The following PDE7B variants were observed in gnomAD, a reference collection of about 807,000 sequenced individuals.
PDE7B encodes the protein phosphodiesterase 7B.
PDE7B carries 29 observed loss-of-function variants against 56.2 expected under a neutral mutation model. The observed-to-expected ratio is 0.52, with a 90% CI of 0.38 to 0.70. The LOEUF (loss-of-function observed/expected upper bound fraction) is 0.70, where lower values mean the gene tolerates loss of function less well. Among genes scored for constraint, PDE7B ranks in the 30% least tolerant of loss-of-function variants. The pLI is 0.00. For synonymous variants in PDE7B, 197 were observed against 196.9 expected (o/e 1.00, Z 0.00); for missense variants, 490 against 565.0 (o/e 0.87, Z 1.35).
chr6:136,004,738 T>C (rs1775745216), intron 2 of PDE7B, among the ~76,000 whole-genome samples: 1 of 152,224 alleles, frequency 6.6e-6, no homozygotes, highest in Admixed American at 6.5e-5. Context: ...TCCATGTTCA[T>C]GGGTAGGAAG....
chr6:135,968,361 G>A (rs1775034858), intron 2 of PDE7B, among the ~76,000 whole-genome samples: 2 of 152,060 alleles, frequency 1.3e-5, no homozygotes, highest in Non-Finnish European at 2.9e-5. Context: ...TCATCAGAGT[G>A]AACAGGCAAC....
chr6:135,950,810 T>C (rs1027860934), intron 2 of PDE7B, among the ~76,000 whole-genome samples: 2 of 152,206 alleles, frequency 1.3e-5, no homozygotes, highest in Non-Finnish European at 2.9e-5. Flanking sequence ...TTATGCTTTG[T>C]GTTGTCTACC....
At position 135,876,904 on chromosome 6, in the gene PDE7B, T is replaced by C. The variant is rs149983557; in HGVS notation, c.21+24885T>C. Among the ~76,000 whole-genome samples the C allele has an allele frequency of 2.4e-3, 363 of 152,304 alleles. 1 individual carries two copies. Among genetic ancestry groups the C allele is most frequent in the African/African-American group, 8.4e-3 (348 of 41,562 alleles). On this transcript the variant is annotated intron_variant, in intron 1 of 12. Transcript: ENST00000308191. ...TCCATCATTATTTCTAAACCACCCTTTCATATTTGCCATATATTTATTTCA... is the reference window on the plus strand; with the variant it reads ...TCCATCATTATTTCTAAACCACCCTCTCATATTTGCCATATATTTATTTCA...
chr6:136,129,770 T>C (rs889769992), intron 3 of PDE7B, among the ~76,000 whole-genome samples: 4 of 152,254 alleles, frequency 2.6e-5, no homozygotes, highest in African/African-American at 9.6e-5. Flanking sequence ...AAATTTATTC[T>C]AAAATGCTAG....
At chr6:135,915,679 G>A (rs1196964360) in intron 1 of PDE7B, among the ~76,000 whole-genome samples, 1 of 152,096 alleles carries the variant, frequency 6.6e-6, no homozygotes, top group Non-Finnish European at 1.5e-5. Flanking sequence ...CCAGGCCCCC[G>A]GAAATCGCTC....
chr6:136,174,954 A>C (rs1273674373), intron 9 of PDE7B, among the ~76,000 whole-genome samples: 1 of 152,210 alleles, frequency 6.6e-6, no homozygotes, highest in Non-Finnish European at 1.5e-5. Context: ...TCAAGTGAGA[A>C]GAAGAAAAGA....
At chr6:136,031,313 A>G (rs1191167727) in intron 2 of PDE7B, among the ~76,000 whole-genome samples, 1 of 152,224 alleles carries the variant, frequency 6.6e-6, no homozygotes, top group Admixed American at 6.5e-5. Context: ...TCCCGGCCAG[A>G]CTTCTGGAAT....
intron 2 of PDE7B, among the ~76,000 whole-genome samples, chr6:136,102,430 G>A (rs1004784494): frequency 1.3e-5 from 2 of 152,130 alleles, no homozygotes; most frequent in Non-Finnish European, 2.9e-5. Flanking sequence ...ACTTTGCTTG[G>A]TGGAAATTCT....
intron 1 of PDE7B, among the ~76,000 whole-genome samples, chr6:135,910,501 G>A (rs1233537120): frequency 2.0e-5 from 3 of 152,028 alleles, no homozygotes; most frequent in African/African-American, 7.2e-5. Context: ...TAAGCCACTT[G>A]CCCCCACACA....
chr6:136,019,525 T>C (rs923449281), intron 2 of PDE7B, among the ~76,000 whole-genome samples: 1 of 152,170 alleles, frequency 6.6e-6, no homozygotes, highest in African/African-American at 2.4e-5. Flanking sequence ...GTCCCCTATA[T>C]ACTCCATGGT....
intron 2 of PDE7B, among the ~76,000 whole-genome samples, chr6:135,983,313 G>A (rs1775325924): frequency 6.6e-6 from 1 of 152,126 alleles, no homozygotes; most frequent in African/African-American, 2.4e-5. Flanking sequence ...CAAGGGCAGT[G>A]ACCAAAGAGA....
At chr6:135,954,987 C>A (rs553027503) in intron 2 of PDE7B, among the ~76,000 whole-genome samples, 1 of 152,210 alleles carries the variant, frequency 6.6e-6, no homozygotes, top group East Asian at 1.9e-4. Flanking sequence ...CTGAAGTTGT[C>A]AAGCCCAAAA....
At chr6:135,860,668 G>T (rs1394206268) in intron 1 of PDE7B, among the ~76,000 whole-genome samples, 2 of 151,974 alleles carry the variant, frequency 1.3e-5, no homozygotes, top group Admixed American at 6.6e-5. Flanking sequence ...ATTCTTGAGA[G>T]AATGGAATGA....
At chr6:136,107,386 C>CTGAT (rs1777663613) in intron 2 of PDE7B, among the ~76,000 whole-genome samples, 1 of 152,204 alleles carries the variant, frequency 6.6e-6, no homozygotes, top group African/African-American at 2.4e-5. Flanking sequence ...TACCTCTCCT[C>CTGAT]TGATTCCATA....
chr6:136,080,822 A>G (rs930137335), intron 2 of PDE7B, among the ~76,000 whole-genome samples: 3 of 152,178 alleles, frequency 2.0e-5, no homozygotes, highest in East Asian at 3.9e-4. Flanking sequence ...AGCTCTAAGG[A>G]AAAAGAGAAG....
In PDE7B at chr6:136,150,854, C is replaced by CGTGTGTGTGTGT. The variant is rs760532431; in HGVS notation, c.383-306_383-305insGTGTGTGTGTGT. On this transcript the variant is annotated intron_variant, in intron 5 of 12. Coordinates refer to ENST00000308191, the MANE Select transcript of PDE7B (RefSeq NM_018945.4). ...GTCTTTAAAAAAATACACATATACA[C>CGTGTGTGTGTGT]ATGTGTGTGTGTGTGTATGTGTATG... 9.1e-3 allele frequency among the ~76,000 whole-genome samples: 667 copies of CGTGTGTGTGTGT among 73,632 alleles called. 2 individuals carry two copies. The highest frequency in any genetic ancestry group is 0.022 in the Middle Eastern group (3 of 136). 48.3% of individuals were successfully genotyped at this position (73,632 alleles called of 152,430 possible).
At chr6:136,103,149 C>T (rs995966785) in intron 2 of PDE7B, among the ~76,000 whole-genome samples, 1 of 152,206 alleles carries the variant, frequency 6.6e-6, no homozygotes, top group Non-Finnish European at 1.5e-5. Flanking sequence ...GAACAATGGA[C>T]AGGAAGCCTC....
Position 136,055,462 on chromosome 6 carries a change from C to A in PDE7B, c.83-53269C>A, listed in dbSNP as rs186110818. Among the ~76,000 whole-genome samples, 42 of 152,340 alleles carry A rather than the reference C, an allele frequency of 2.8e-4. No individual in the cohort carries two copies. The East Asian group carries it at 8.1e-3, about 29-fold the overall frequency. ...GTGTAGGAACACATGTAGATGGAGA[C>A]ACTCAAAAATTCAAGTTGTGTTAAA... On this transcript the variant is annotated intron_variant, in intron 2 of 12. Coordinates refer to ENST00000308191, the MANE Select transcript of PDE7B (RefSeq NM_018945.4).
chr6:135,903,863 C>A (rs115610312), intron 1 of PDE7B, among the ~76,000 whole-genome samples: 3 of 151,826 alleles, frequency 2.0e-5, no homozygotes, highest in African/African-American at 7.3e-5. Context: ...TATAGGGTGC[C>A]CTAGAAGGAC....
Sources: gnomAD v4.1 joint callset for allele counts (sites outside exome capture counted in the v4.1 genomes callset) on GRCh38, gnomAD v4.1.1 for gene constraint, MANE v1.5 for transcripts, NCBI Gene and HGNC (gene_info 2026-07-23, HGNC 2026-07-21) for gene names.